Variants in JAM2 observed in about 807,000 individuals in gnomAD.
JAM2 encodes the protein junctional adhesion molecule B.
In JAM2, 17 loss-of-function variants were observed where a neutral mutation model predicts 42.0. That is an observed-to-expected ratio of 0.40 (90% CI 0.28 to 0.61). JAM2 has a LOEUF of 0.61. JAM2 is among the 20% of genes least tolerant of loss of function. The pLI, the probability that JAM2 is intolerant of heterozygous loss-of-function variation, is 0.37. For missense variants in JAM2, 319 were observed against 358.3 expected (o/e 0.89, Z 0.89); for synonymous variants, 118 against 128.6 (o/e 0.92, Z 0.56).
At chr21:25,643,325 G>C (rs1242069932) in intron 1 of JAM2, among the ~76,000 whole-genome samples, 2 of 152,054 alleles carry the variant, frequency 1.3e-5, no homozygotes, top group African/African-American at 4.8e-5. Flanking sequence ...TGCCTTTTGG[G>C]GTCTCTCAGA....
At chr21:25,644,426 C>T (rs903384265) in intron 1 of JAM2, among the ~76,000 whole-genome samples, 6 of 152,240 alleles carry the variant, frequency 3.9e-5, no homozygotes, top group East Asian at 1.9e-4. Flanking sequence ...CTTCTGGAGG[C>T]GCCCCACTCA....
At chr21:25,667,437 A>G (rs1271567681) in intron 1 of JAM2, among the ~76,000 whole-genome samples, 2 of 152,224 alleles carry the variant, frequency 1.3e-5, no homozygotes, top group Non-Finnish European at 2.9e-5. Context: ...AGAAGGGTGA[A>G]TACAGTAGAA....
chr21:25,695,746 T>A (rs534452164), intron 4 of JAM2, among the ~76,000 whole-genome samples: 1 of 141,986 alleles, frequency 7.0e-6, no homozygotes, highest in South Asian at 2.2e-4. Flanking sequence ...TCCTCACTTC[T>A]CAGACGGGGT....
intron 2 of JAM2, among the ~76,000 whole-genome samples, chr21:25,684,969 A>C (rs753151599): frequency 6.6e-6 from 1 of 152,180 alleles, no homozygotes; most frequent in Non-Finnish European, 1.5e-5. Context: ...ACAATTAATA[A>C]TATTGGGCAA....
intron 5 of JAM2, among the ~76,000 whole-genome samples, chr21:25,700,238 T>A (rs1207442092): frequency 6.6e-6 from 1 of 151,884 alleles, no homozygotes; most frequent in Non-Finnish European, 1.5e-5. Flanking sequence ...TTAAAAAAAA[T>A]TCAGTCAATG....
chr21:25,677,742 G>T (rs2033532878), intron 1 of JAM2, among the ~76,000 whole-genome samples: 1 of 152,180 alleles, frequency 6.6e-6, no homozygotes, highest in African/African-American at 2.4e-5. Context: ...CTGGTTTTCA[G>T]GGAATTTGAG....
At chr21:25,653,400 G>T (rs540045448) in intron 1 of JAM2, among the ~76,000 whole-genome samples, 1 of 152,268 alleles carries the variant, frequency 6.6e-6, no homozygotes, top group African/African-American at 2.4e-5. Flanking sequence ...TGTTGCCCTG[G>T]TGTATTAGTC....
intron 1 of JAM2, among the ~76,000 whole-genome samples, chr21:25,657,270 T>G (rs954761611): frequency 6.6e-6 from 1 of 152,152 alleles, no homozygotes; most frequent in Non-Finnish European, 1.5e-5. Flanking sequence ...TGCCTCCAAC[T>G]CCCAAAGTGC....
chr21:25,698,586 G>A, intron 4 of JAM2, 91 bp from the exon 5 acceptor site: 4 of 1,094,008 alleles, frequency 3.7e-6, no homozygotes, highest in Non-Finnish European at 5.3e-6. Context: ...TAAAACCATT[G>A]ATTGTAGAGA....
chr21:25,669,407 GA>G (rs531133523), intron 1 of JAM2, among the ~76,000 whole-genome samples: 5 of 151,816 alleles, frequency 3.3e-5, no homozygotes, highest in Admixed American at 2.6e-4. Flanking sequence ...GAAAAAAAAA[GA>G]AGATGGGGGA....
Position 25,648,289 on chromosome 21 carries a change from C to T in JAM2, c.67+8401C>T, listed in dbSNP as rs551763067. 2.5e-4 allele frequency among the ~76,000 whole-genome samples: 38 copies of T among 152,198 alleles called. 1 individual carries two copies. In the South Asian group the frequency reaches 7.5e-3, roughly 30 times the overall value. On this transcript the variant is annotated intron_variant, in intron 1 of 9. Transcript: ENST00000480456. ...AGCAGAACTGACACAATGGAATAAA[C>T]AATAACTCAAGTATGCATTTGTCCA...
chr21:25,716,743 T>C lies in JAM2; in HGVS notation c.*2071T>C, dbSNP rs1274549406. ...ACAAGATTTGGCCCACAGGCATAGA[T>C]TCCCAACTCATGGTGGTGAAGTACA... On this transcript the variant is annotated 3_prime_UTR_variant, in exon 10 of 10. Coordinates refer to ENST00000480456, the MANE Select transcript of JAM2 (RefSeq NM_021219.4). The C allele has an allele frequency of 1.3e-5, 2 of 152,218 alleles. No individual in the cohort carries two copies. Among genetic ancestry groups the C allele is most frequent in the East Asian group, 3.8e-4 (2 of 5,202 alleles). The allele number at this position is 152,218 out of a possible 1,614,324, so 9.4% of individuals were successfully genotyped here.
At chr21:25,709,267 G>T (rs2034334819) in intron 7 of JAM2, among the ~76,000 whole-genome samples, 167 bp from the exon 8 acceptor site, 1 of 151,826 alleles carries the variant, frequency 6.6e-6, no homozygotes, top group African/African-American at 2.4e-5. Flanking sequence ...GTTGCTGTAT[G>T]GCTCTTTACC....
intron 1 of JAM2, among the ~76,000 whole-genome samples, chr21:25,660,147 C>G (rs1465195949): frequency 6.6e-6 from 1 of 152,144 alleles, no homozygotes; most frequent in African/African-American, 2.4e-5. Flanking sequence ...TCTCAAACTC[C>G]TGACCTCAAG....
intron 1 of JAM2, among the ~76,000 whole-genome samples, chr21:25,675,894 T>A (rs901781736): frequency 2.6e-5 from 4 of 152,180 alleles, no homozygotes; most frequent in African/African-American, 9.6e-5. Flanking sequence ...CACATGGCCA[T>A]AAATTTTTAT....
At position 25,717,136 on chromosome 21, in the gene JAM2, G is replaced by C. The variant is rs1275780456; in HGVS notation, c.*2464G>C. ...TTACCTTAAACTATTGTAATAGCTAGGTAAAAATCCTTGTATAAAAGAATG... is the reference window on the plus strand; with the variant it reads ...TTACCTTAAACTATTGTAATAGCTACGTAAAAATCCTTGTATAAAAGAATG... On this transcript the variant is annotated 3_prime_UTR_variant, in exon 10 of 10. Transcript: ENST00000480456. 1 of 152,476 alleles carries C rather than the reference G, an allele frequency of 6.6e-6. No homozygotes were observed. The highest frequency in any genetic ancestry group is 1.5e-5 in the Non-Finnish European group (1 of 68,340). 9.4% of individuals were successfully genotyped at this position (152,476 alleles called of 1,614,324 possible).
Position 25,662,464 on chromosome 21 carries a change from AT to A in JAM2, c.68-21412del, listed in dbSNP as rs960260275. Among the ~76,000 whole-genome samples the A allele has an allele frequency of 3.4e-4, 52 of 151,652 alleles. 1 individual carries two copies. Among genetic ancestry groups the A allele is most frequent in the African/African-American group, 1.1e-3 (47 of 41,336 alleles). On this transcript the variant is annotated intron_variant, in intron 1 of 9. Coordinates refer to ENST00000480456, the MANE Select transcript of JAM2 (RefSeq NM_021219.4). Reference sequence around the variant, plus strand: ...GTGACCGGCCTTATTTTTATATTTTATTTTTTTGAGACATGGTCCCACTCTG... The same window carrying A: ...GTGACCGGCCTTATTTTTATATTTTATTTTTTGAGACATGGTCCCACTCTG...
chr21:25,693,234 G>A (rs1252597943), intron 3 of JAM2, among the ~76,000 whole-genome samples: 1 of 151,812 alleles, frequency 6.6e-6, no homozygotes, highest in Non-Finnish European at 1.5e-5. Context: ...AATAAAATAT[G>A]AGAATATAAA....
At chr21:25,683,735 A>G (rs2033688791) in intron 1 of JAM2, 148 bp from the exon 2 acceptor site, 2 of 575,852 alleles carry the variant, frequency 3.5e-6, no homozygotes, top group Admixed American at 3.5e-5. Flanking sequence ...GCTTTTTCCT[A>G]TTTTGATCCT....
Sources: gnomAD v4.1 joint callset for allele counts (sites outside exome capture counted in the v4.1 genomes callset) on GRCh38, gnomAD v4.1.1 for gene constraint, MANE v1.5 for transcripts, NCBI Gene and HGNC (gene_info 2026-07-23, HGNC 2026-07-21) for gene names.